Variants in MGAT4C observed in about 807,000 individuals in gnomAD.
The protein encoded by MGAT4C is alpha-1,3-mannosyl-glycoprotein 4-beta-N-acetylglucosaminyltransferase C.
In MGAT4C, 19 loss-of-function variants were observed where a neutral mutation model predicts 40.1. That is an observed-to-expected ratio of 0.47 (90% CI 0.33 to 0.70). The LOEUF (loss-of-function observed/expected upper bound fraction) is 0.70. Ranked by LOEUF, MGAT4C falls within the 30% of genes least tolerant of loss-of-function variation. The probability of loss-of-function intolerance (pLI) is 0.02; values close to 1 mark genes in which losing one functional copy is unlikely to be tolerated. For missense variants in MGAT4C, 491 were observed against 563.2 expected (o/e 0.87, Z 1.30); for synonymous variants, 181 against 187.1 (o/e 0.97, Z 0.27).
chr12:86,454,017 T>G (rs906985744), intron 2 of MGAT4C, among the ~76,000 whole-genome samples: 2 of 152,092 alleles, frequency 1.3e-5, no homozygotes, highest in Non-Finnish European at 2.9e-5. Context: ...ATTAGGGCAT[T>G]ACTTACATGA....
Position 86,388,668 on chromosome 12 carries a change from G to GT in MGAT4C, c.-120+46488dup, listed in dbSNP as rs1172330339. Among the ~76,000 whole-genome samples, 105 of 133,110 alleles carry GT rather than the reference G, an allele frequency of 7.9e-4. 1 individual carries two copies. The highest frequency in any genetic ancestry group is 9.9e-4 in the Non-Finnish European group (63 of 63,706). 87.3% of individuals were successfully genotyped at this position (133,110 alleles called of 152,430 possible). The stretch of plus-strand genomic sequence containing the variant: ...ACACTTGATCAATAAACACTTCAGC[G>GT]TTTTTTGTTTTTTTTTTTTTTTTTT... On this transcript the variant is annotated intron_variant, in intron 3 of 7. Transcript: ENST00000548651.
intron 1 of MGAT4C, among the ~76,000 whole-genome samples, chr12:86,234,159 T>C (rs1951438309): frequency 6.6e-6 from 1 of 152,156 alleles, no homozygotes; most frequent in African/African-American, 2.4e-5. Context: ...GTTTAGTTTT[T>C]TGTAAAAAAC....
At chr12:86,462,039 G>A (rs1331375463) in intron 2 of MGAT4C, among the ~76,000 whole-genome samples, 1 of 152,160 alleles carries the variant, frequency 6.6e-6, no homozygotes, top group Admixed American at 6.5e-5. Flanking sequence ...ATAGGGAAAT[G>A]TGTTCTTTTG....
At chr12:86,578,502 T>C (rs76613775) in intron 2 of MGAT4C, among the ~76,000 whole-genome samples, 4,077 of 151,884 alleles carry the variant, frequency 0.027, 141 homozygotes, top group African/African-American at 0.085. Flanking sequence ...GGTCCCGGGC[T>C]TTTCTTTGCA....
rs559844067 is a variant in MGAT4C at position 85,963,291 on chromosome 12, A to C, written c.*15998T>G. On this transcript the variant is annotated 3_prime_UTR_variant, in exon 5 of 5. Coordinates refer to ENST00000611864, the MANE Select transcript of MGAT4C (RefSeq NM_001351288.2). Reference sequence around the variant, plus strand: ...TTCCATGGCTTTTGCCTTTAGAATAAATACAACATTTTTATGTAGAAATAT... The same window carrying C: ...TTCCATGGCTTTTGCCTTTAGAATACATACAACATTTTTATGTAGAAATAT... 1 of 152,134 alleles carries C rather than the reference A, an allele frequency of 6.6e-6. No individual in the cohort carries two copies. The highest frequency in any genetic ancestry group is 6.6e-5 in the Admixed American group (1 of 15,264). 9.4% of individuals were successfully genotyped at this position (152,134 alleles called of 1,614,324 possible).
At chr12:86,386,757 T>C (rs1956059414) in intron 3 of MGAT4C, among the ~76,000 whole-genome samples, 1 of 152,202 alleles carries the variant, frequency 6.6e-6, no homozygotes, top group South Asian at 2.1e-4. Context: ...AATTAAAGGA[T>C]CTCAGTGGAC....
intron 1 of MGAT4C, among the ~76,000 whole-genome samples, chr12:86,100,804 CT>C (rs1874863443): frequency 6.6e-6 from 1 of 151,434 alleles, no homozygotes; most frequent in Admixed American, 6.6e-5. Flanking sequence ...CCACCTGTTT[CT>C]TTACTGATAA....
chr12:86,423,590 T>C (rs1565752093), intron 3 of MGAT4C, among the ~76,000 whole-genome samples: 1 of 152,090 alleles, frequency 6.6e-6, no homozygotes, highest in African/African-American at 2.4e-5. Context: ...ATAGGGAATA[T>C]AGTGTAATAA....
At chr12:86,655,184 CT>C in intron 2 of MGAT4C, among the ~76,000 whole-genome samples, 2 of 152,116 alleles carry the variant, frequency 1.3e-5, no homozygotes, top group African/African-American at 4.8e-5. Context: ...GTCCCTCCCC[CT>C]GTCCCCCAGC....
At chr12:86,253,242 C>T (rs1952375726) in intron 1 of MGAT4C, among the ~76,000 whole-genome samples, 1 of 151,544 alleles carries the variant, frequency 6.6e-6, no homozygotes, top group South Asian at 2.1e-4. Flanking sequence ...TTACATTGTT[C>T]AGTTATAAAT....
chr12:86,422,397 C>A (rs1402787559), intron 3 of MGAT4C, among the ~76,000 whole-genome samples: 2 of 152,272 alleles, frequency 1.3e-5, no homozygotes, highest in Admixed American at 1.3e-4. Flanking sequence ...AATTTACTCA[C>A]AGATCAGTTA....
chr12:86,805,206 C>CT (rs1198871390), intron 1 of MGAT4C, among the ~76,000 whole-genome samples: 1 of 151,716 alleles, frequency 6.6e-6, no homozygotes, highest in African/African-American at 2.4e-5. Flanking sequence ...CTATTTCTTT[C>CT]TTTTTTTGTT....
At chr12:85,983,722 G>A (rs746115407) in intron 3 of MGAT4C, 52 bp from the exon 4 acceptor site, 4 of 1,383,348 alleles carry the variant, frequency 2.9e-6, no homozygotes, top group African/African-American at 1.5e-5. Flanking sequence ...GATGGTCATG[G>A]ATTAAATAAA....
chr12:86,023,005 A>G (rs141284529), intron 2 of MGAT4C, among the ~76,000 whole-genome samples: 1 of 152,220 alleles, frequency 6.6e-6, no homozygotes, highest in Non-Finnish European at 1.5e-5. Context: ...TAACATTTCT[A>G]TATTATAAAG....
chr12:86,816,523 T>C (rs1481350975), intron 1 of MGAT4C, among the ~76,000 whole-genome samples: 1 of 151,778 alleles, frequency 6.6e-6, no homozygotes, highest in Non-Finnish European at 1.5e-5. Context: ...CTAAACAAGC[T>C]TTAATATGAA....
chr12:86,566,463 C>A (rs917285766), intron 2 of MGAT4C, among the ~76,000 whole-genome samples: 3 of 146,758 alleles, frequency 2.0e-5, no homozygotes, highest in Non-Finnish European at 4.5e-5. Flanking sequence ...CTCCTTGCTC[C>A]TCAGCCTGCA....
chr12:86,676,438 A>G (rs892197401), intron 2 of MGAT4C, among the ~76,000 whole-genome samples: 1 of 152,140 alleles, frequency 6.6e-6, no homozygotes, highest in African/African-American at 2.4e-5. Flanking sequence ...AATAATCTGA[A>G]TTAGCAAAAC....
chr12:86,399,342 C>T (rs562318437), intron 3 of MGAT4C, among the ~76,000 whole-genome samples: 2 of 151,554 alleles, frequency 1.3e-5, no homozygotes, highest in Admixed American at 6.6e-5. Flanking sequence ...GAGTGAGTGG[C>T]GCAATCTCGG....
intron 4 of MGAT4C, among the ~76,000 whole-genome samples, chr12:86,280,800 T>C (rs967227526): frequency 6.6e-5 from 10 of 152,052 alleles, no homozygotes; most frequent in Non-Finnish European, 1.5e-5. Context: ...GACTTTATTA[T>C]CATCACTTCA....
Sources: allele counts gnomAD v4.1 joint callset (sites outside exome capture counted in the v4.1 genomes callset), GRCh38; gene constraint gnomAD v4.1.1; transcripts MANE v1.5; gene names NCBI Gene and HGNC (gene_info 2026-07-23, HGNC 2026-07-21).